Variants in PTCHD4 observed in about 807,000 individuals in gnomAD.
The protein encoded by PTCHD4 is patched domain containing 4.
In PTCHD4, 33 loss-of-function variants were observed where a neutral mutation model predicts 58.1. The ratio of observed to expected loss-of-function variants is 0.57; its 90% confidence interval spans 0.43 to 0.76. PTCHD4 has a LOEUF of 0.76. PTCHD4 is among the 30% of genes least tolerant of loss of function. The probability of loss-of-function intolerance (pLI) is 0.00; values close to 1 mark genes in which losing one functional copy is unlikely to be tolerated. For synonymous variants in PTCHD4, 478 were observed against 409.6 expected (o/e 1.17, Z -2.02); for missense variants, 1,058 against 1,027.1 (o/e 1.03, Z -0.41).
At chr6:47,961,877 A>G (rs565229923) in intron 4 of PTCHD4, among the ~76,000 whole-genome samples, 1 of 152,260 alleles carries the variant, frequency 6.6e-6, no homozygotes, top group African/African-American at 2.4e-5. Flanking sequence ...TAAAATGAAA[A>G]TAAACTTACA....
chr6:48,071,083 A>G (rs946708715), intron 1 of PTCHD4, among the ~76,000 whole-genome samples: 2 of 152,240 alleles, frequency 1.3e-5, no homozygotes, highest in Admixed American at 1.3e-4. Flanking sequence ...AGTTCTCTGT[A>G]AAGCTGAGAC....
intron 4 of PTCHD4, among the ~76,000 whole-genome samples, chr6:47,957,054 C>G (rs1282610378): frequency 6.6e-6 from 1 of 151,480 alleles, no homozygotes; most frequent in African/African-American, 2.4e-5. Context: ...ATCCCAGTTA[C>G]TCAGGGAGGC....
chr6:47,911,865 G>A (rs1765081040), intron 4 of PTCHD4, among the ~76,000 whole-genome samples: 1 of 152,052 alleles, frequency 6.6e-6, no homozygotes, highest in South Asian at 2.1e-4. Flanking sequence ...AATAAATGCT[G>A]AGAAATGTCA....
At chr6:48,003,045 T>C (rs577228959) in intron 4 of PTCHD4, among the ~76,000 whole-genome samples, 1 of 152,164 alleles carries the variant, frequency 6.6e-6, no homozygotes. Context: ...TCATGCTATT[T>C]TTCTGCCTGA....
chr6:47,879,290 C>T lies in PTCHD4; in HGVS notation c.1545G>A (p.Val515=). The T allele has an allele frequency of 6.2e-7, 1 of 1,612,640 alleles. No homozygotes were observed. The highest frequency in any genetic ancestry group is 8.5e-7 in the Non-Finnish European group (1 of 1,179,322). The change falls in exon 5 of 5, where the codon GTG becomes GTA. Residue 515 remains valine, a synonymous_variant. Coordinates refer to ENST00000339488, the MANE Select transcript of PTCHD4 (RefSeq NM_001384253.1). ...QQKYFSNYSP[V]IGFYVYEPLE... ...GGGGCTCATAGACGTAGAATCCTAT[C>T]ACAGGGCTATAGTTGCTGAAATATT... is the stretch of plus-strand genomic sequence containing the variant.
intron 3 of PTCHD4, among the ~76,000 whole-genome samples, chr6:48,017,204 G>A (rs1201128469): frequency 1.3e-5 from 2 of 151,982 alleles, no homozygotes; most frequent in African/African-American, 2.4e-5. Flanking sequence ...AGGATTAAAT[G>A]AAAATATTGG....
At chr6:48,036,401 A>G (rs1453635254) in intron 3 of PTCHD4, among the ~76,000 whole-genome samples, 1 of 152,092 alleles carries the variant, frequency 6.6e-6, no homozygotes, top group East Asian at 1.9e-4. Context: ...GTTTGAAAGT[A>G]TTAAAATGGA....
intron 3 of PTCHD4, among the ~76,000 whole-genome samples, chr6:48,058,144 A>G (rs1197232528): frequency 1.3e-5 from 2 of 152,256 alleles, no homozygotes; most frequent in South Asian, 2.1e-4. Context: ...GATCCATGAA[A>G]TCAGTATTTT....
At chr6:48,078,202 C>A (rs929598859) in intron 1 of PTCHD4, among the ~76,000 whole-genome samples, 1 of 152,174 alleles carries the variant, frequency 6.6e-6, no homozygotes, top group South Asian at 2.1e-4. Context: ...AGGTTTGCCA[C>A]ATCTTAAAAA....
rs373558130 is a variant in PTCHD4, at chr6:48,009,801, T to A, written c.418-687A>T. ...TCAGACATAGGTTGACCTTTTCTTA[T>A]TGATGACAGTAGACAAATCCCCTAA... is the stretch of plus-strand genomic sequence containing the variant. On this transcript the variant is annotated intron_variant, in intron 3 of 4. Transcript: ENST00000339488. Among the ~76,000 whole-genome samples, 12 of 152,346 alleles carry A rather than the reference T, an allele frequency of 7.9e-5. No homozygotes were observed. In the East Asian group the frequency reaches 1.5e-3, roughly 20 times the overall value.
At chr6:48,059,445 C>T (rs558226113) in intron 3 of PTCHD4, among the ~76,000 whole-genome samples, 1 of 152,148 alleles carries the variant, frequency 6.6e-6, no homozygotes, top group South Asian at 2.1e-4. Flanking sequence ...TACACACCAT[C>T]CTGGGCAACA....
At chr6:47,949,093 C>T (rs145208532) in intron 4 of PTCHD4, among the ~76,000 whole-genome samples, 5 of 152,200 alleles carry the variant, frequency 3.3e-5, no homozygotes, top group African/African-American at 9.6e-5. Flanking sequence ...TCTTAGATCA[C>T]GAAGAGGATA....
chr6:47,977,603 C>T (rs1767741064), intron 4 of PTCHD4, among the ~76,000 whole-genome samples: 1 of 152,058 alleles, frequency 6.6e-6, no homozygotes, highest in Non-Finnish European at 1.5e-5. Flanking sequence ...ATGGCCATGC[C>T]CAGGTTCCTA....
At chr6:47,960,827 A>G (rs1767057293) in intron 4 of PTCHD4, among the ~76,000 whole-genome samples, 2 of 152,038 alleles carry the variant, frequency 1.3e-5, no homozygotes, top group South Asian at 2.1e-4. Context: ...AGATAAATAC[A>G]AATTCACAAG....
intron 1 of PTCHD4, among the ~76,000 whole-genome samples, chr6:48,107,960 G>A (rs1387991766): frequency 2.6e-5 from 4 of 152,162 alleles, no homozygotes; most frequent in African/African-American, 9.7e-5. Flanking sequence ...AACAGGTGCT[G>A]GAGAGGATGT....
chr6:48,015,064 C>T (rs762958777), intron 3 of PTCHD4, among the ~76,000 whole-genome samples: 4 of 150,576 alleles, frequency 2.7e-5, no homozygotes, highest in Non-Finnish European at 5.9e-5. Context: ...CAAAAACCTC[C>T]TACAAAAGTT....
At chr6:47,899,612 TG>T (rs1764635253) in intron 4 of PTCHD4, 1 of 973,472 alleles carries the variant, frequency 1.0e-6, no homozygotes, top group South Asian at 4.8e-5. Flanking sequence ...CCCTTCCGTT[TG>T]TTTTTAACAG....
chr6:47,960,635 G>A (rs1426978302), intron 4 of PTCHD4, among the ~76,000 whole-genome samples: 1 of 151,834 alleles, frequency 6.6e-6, no homozygotes, highest in Non-Finnish European at 1.5e-5. Flanking sequence ...AATTATTCCT[G>A]CAATATAATA....
rs751397179 is a variant in PTCHD4, at chr6:47,868,487, C to T, written c.*9816G>A. On this transcript the variant is annotated 3_prime_UTR_variant, in exon 5 of 5. Coordinates refer to ENST00000339488, the MANE Select transcript of PTCHD4 (RefSeq NM_001384253.1). The stretch of plus-strand genomic sequence containing the variant: ...TCCTTTTCATTAGGTCATGAGCAGG[C>T]AACTGATAAGCTGGAGAAGTCTTTT... 2.0e-5 allele frequency among the ~76,000 whole-genome samples: 3 copies of T among 151,812 alleles called. No individual in the cohort carries two copies. Among genetic ancestry groups the T allele is most frequent in the South Asian group, 2.1e-4 (1 of 4,824 alleles).
Sources: gnomAD v4.1 joint callset for allele counts (sites outside exome capture counted in the v4.1 genomes callset) on GRCh38, gnomAD v4.1.1 for gene constraint, MANE v1.5 for transcripts, NCBI Gene and HGNC (gene_info 2026-07-23, HGNC 2026-07-21) for gene names.